The following EVI5 variants were observed in gnomAD, a reference collection of about 807,000 sequenced individuals.
EVI5 encodes the protein ecotropic viral integration site 5, also known as ecotropic viral integration site 5 protein homolog.
Under a neutral mutation model 112.0 loss-of-function variants are expected in EVI5, and 73 were observed. That is an observed-to-expected ratio of 0.65 (90% CI 0.54 to 0.79). The LOEUF (loss-of-function observed/expected upper bound fraction) is 0.79, where lower values mean the gene tolerates loss of function less well. EVI5 is among the 30% of genes least tolerant of loss of function. The probability of loss-of-function intolerance (pLI) is 0.00; values close to 1 mark genes in which losing one functional copy is unlikely to be tolerated. For synonymous variants in EVI5, 305 were observed against 319.9 expected, an observed-to-expected ratio of 0.95 and a Z score of 0.50; for missense variants, 900 against 968.8, an observed-to-expected ratio of 0.93 and a Z score of 0.94.
At chr1:92,523,819 C>G (rs1661366923) in intron 19 of EVI5, among the ~76,000 whole-genome samples, 1 of 152,140 alleles carries the variant, frequency 6.6e-6, no homozygotes, top group African/African-American at 2.4e-5. Context: ...GACATGGTGA[C>G]TTACGCTTGT....
chr1:92,691,812 C>T (rs959897268), intron 9 of EVI5, among the ~76,000 whole-genome samples: 2 of 152,094 alleles, frequency 1.3e-5, no homozygotes, highest in Non-Finnish European at 2.9e-5. Flanking sequence ...AGTCTACAAG[C>T]TGGAAGACAG....
At position 92,678,056 on chromosome 1, in the gene EVI5, C is replaced by T. The variant is rs533833508; in HGVS notation, c.1098-838G>A. 2.6e-5 allele frequency among the ~76,000 whole-genome samples: 4 copies of T among 152,128 alleles called. No homozygotes were observed. The South Asian group carries it at 8.3e-4, about 32-fold the overall frequency. ...ACAGATACTGAGGACTAATAGAAGGCGAAGGCAGGGAGGGGGACAAGGGCT... is the reference window on the plus strand; with the variant it reads ...ACAGATACTGAGGACTAATAGAAGGTGAAGGCAGGGAGGGGGACAAGGGCT... On this transcript the variant is annotated intron_variant, in intron 9 of 19. Transcript: ENST00000684568.
At chr1:92,599,479 T>A (rs1031583167) in intron 18 of EVI5, among the ~76,000 whole-genome samples, 1 of 152,036 alleles carries the variant, frequency 6.6e-6, no homozygotes, top group African/African-American at 2.4e-5. Context: ...CAGGTTTTAA[T>A]GAAAGATCTA....
intron 16 of EVI5, among the ~76,000 whole-genome samples, chr1:92,614,217 GCCCATTTC>G (rs1652526992): frequency 6.6e-6 from 1 of 152,032 alleles, no homozygotes; most frequent in Non-Finnish European, 1.5e-5. Flanking sequence ...GGAAAAATGT[GCCCATTTC>G]CAGGCAGAAA....
At chr1:92,602,040 C>CA (rs1314728776) in intron 18 of EVI5, among the ~76,000 whole-genome samples, 1 of 152,076 alleles carries the variant, frequency 6.6e-6, no homozygotes, top group African/African-American at 2.4e-5. Context: ...AATATGTGCA[C>CA]TTTATGGGGA....
intron 19 of EVI5, among the ~76,000 whole-genome samples, chr1:92,545,145 T>C (rs1222892456): frequency 1.3e-5 from 2 of 152,254 alleles, no homozygotes; most frequent in Non-Finnish European, 2.9e-5. Flanking sequence ...CTTTTATCAA[T>C]TACTCTTTAA....
intron 1 of EVI5, among the ~76,000 whole-genome samples, chr1:92,776,469 TTTATG>T (rs1361185774): frequency 6.6e-6 from 1 of 152,178 alleles, no homozygotes; most frequent in Non-Finnish European, 1.5e-5. Flanking sequence ...TATCATTCAC[TTTATG>T]TTAACTATAC....
At chr1:92,675,548 T>C (rs1666589538) in intron 10 of EVI5, among the ~76,000 whole-genome samples, 1 of 152,130 alleles carries the variant, frequency 6.6e-6, no homozygotes, top group Admixed American at 6.6e-5. Context: ...CTCAGATTCT[T>C]GATTTGCAGT....
At chr1:92,547,223 C>T (rs964927841) in intron 19 of EVI5, among the ~76,000 whole-genome samples, 1 of 152,172 alleles carries the variant, frequency 6.6e-6, no homozygotes, top group Non-Finnish European at 1.5e-5. Context: ...TACATGGAAA[C>T]TGAACAACCT....
chr1:92,614,836 TATTTTATATATATA>T (rs1652678868), intron 16 of EVI5, among the ~76,000 whole-genome samples: 1 of 17,568 alleles, frequency 5.7e-5, no homozygotes, highest in Admixed American at 1.0e-3. Flanking sequence ...TTTTATGTTA[TATTTTATATATATA>T]TATATATATA....
At chr1:92,693,441 T>C (rs1669806720) in intron 9 of EVI5, among the ~76,000 whole-genome samples, 1 of 152,196 alleles carries the variant, frequency 6.6e-6, no homozygotes, top group African/African-American at 2.4e-5. Context: ...TCTATCTTGC[T>C]GGTTATGCTA....
chr1:92,720,350 A>G (rs1258417547), intron 2 of EVI5, among the ~76,000 whole-genome samples: 1 of 151,950 alleles, frequency 6.6e-6, no homozygotes, highest in Non-Finnish European at 1.5e-5. Context: ...AGAACAGAAC[A>G]GAGGCCTCAG....
chr1:92,524,548 T>G (rs1661521436), intron 19 of EVI5, among the ~76,000 whole-genome samples: 1 of 152,202 alleles, frequency 6.6e-6, no homozygotes, highest in Non-Finnish European at 1.5e-5. Context: ...CCATCTAGTT[T>G]CAAGTCTAGG....
At chr1:92,785,925 CA>C (rs36097015), upstream of EVI5, among the ~76,000 whole-genome samples, 141 of 141,984 alleles carry the variant, frequency 9.9e-4, no homozygotes, top group Admixed American at 1.3e-3. Flanking sequence ...ACTAAAAATA[CA>C]AAAAAAAAAA....
At chr1:92,749,518 T>C (rs949301252) in intron 1 of EVI5, among the ~76,000 whole-genome samples, 10 of 152,032 alleles carry the variant, frequency 6.6e-5, no homozygotes, top group Non-Finnish European at 1.5e-4. Context: ...ATCCCCAGTA[T>C]CAAAGACCTT....
intron 19 of EVI5, among the ~76,000 whole-genome samples, chr1:92,522,095 C>T (rs1661028548): frequency 6.6e-6 from 1 of 152,156 alleles, no homozygotes; most frequent in South Asian, 2.1e-4. Context: ...TTACTGGCTG[C>T]ACGGTATCTC....
chr1:92,684,876 C>T (rs1306010124), intron 9 of EVI5, among the ~76,000 whole-genome samples: 1 of 151,984 alleles, frequency 6.6e-6, no homozygotes, highest in Non-Finnish European at 1.5e-5. Context: ...ATACATGCAC[C>T]CAATACAAGA....
intron 19 of EVI5, among the ~76,000 whole-genome samples, chr1:92,520,492 G>A (rs1396688212): frequency 6.6e-6 from 1 of 152,140 alleles, no homozygotes; most frequent in African/African-American, 2.4e-5. Context: ...TGGGTTCATG[G>A]TGGGGGTGAG....
At chr1:92,760,926 T>G (rs924041401) in intron 1 of EVI5, among the ~76,000 whole-genome samples, 1 of 150,596 alleles carries the variant, frequency 6.6e-6, no homozygotes, top group East Asian at 2.0e-4. Flanking sequence ...GGCGTGGTGG[T>G]GGGCGCCTGT....
Sources: gnomAD v4.1 joint callset for allele counts (sites outside exome capture counted in the v4.1 genomes callset) on GRCh38, gnomAD v4.1.1 for gene constraint, MANE v1.5 for transcripts, NCBI Gene and HGNC (gene_info 2026-07-23, HGNC 2026-07-21) for gene names.